Variants in ANKS1B observed in about 807,000 individuals in gnomAD.
ANKS1B encodes the protein ankyrin repeat and sterile alpha motif domain-containing protein 1B.
In ANKS1B, 36 loss-of-function variants were observed where a neutral mutation model predicts 148.3. The observed-to-expected ratio is 0.24, with a 90% CI of 0.19 to 0.32. The LOEUF (loss-of-function observed/expected upper bound fraction) is 0.32. Ranked by LOEUF, ANKS1B falls within the 10% of genes least tolerant of loss-of-function variation. ANKS1B has a pLI of 1.00. For missense variants in ANKS1B, 1,157 were observed against 1,542.6 expected, an observed-to-expected ratio of 0.75 and a Z score of 4.19; for synonymous variants, 542 against 560.8, an observed-to-expected ratio of 0.97 and a Z score of 0.47.
At chr12:99,163,008 A>C (rs1264400556) in intron 14 of ANKS1B, among the ~76,000 whole-genome samples, 5 of 152,240 alleles carry the variant, frequency 3.3e-5, no homozygotes, top group Non-Finnish European at 7.4e-5. Context: ...CAGTGAGCCA[A>C]GATTGTGCCA....
At chr12:99,724,687 C>T (rs1443098542) in intron 8 of ANKS1B, among the ~76,000 whole-genome samples, 1 of 151,876 alleles carries the variant, frequency 6.6e-6, no homozygotes, top group Non-Finnish European at 1.5e-5. Context: ...GACAATCAAC[C>T]CCAAGACACA....
intron 17 of ANKS1B, among the ~76,000 whole-genome samples, chr12:98,941,452 AC>A (rs1383103961): frequency 6.6e-6 from 1 of 152,222 alleles, no homozygotes; most frequent in African/African-American, 2.4e-5. Flanking sequence ...GAGAGGCATC[AC>A]CTTGTTTGAC....
intron 9 of ANKS1B, among the ~76,000 whole-genome samples, chr12:99,537,296 C>A (rs2097080166): frequency 6.6e-6 from 1 of 152,038 alleles, no homozygotes; most frequent in African/African-American, 2.4e-5. Context: ...GATCGCTGGA[C>A]CATATGGTAG....
rs75947617 is a variant in ANKS1B at position 99,642,247 on chromosome 12, T to C, written c.1272+12820A>G. Among the ~76,000 whole-genome samples, 784 of 152,322 alleles carry C rather than the reference T, an allele frequency of 5.1e-3. 28 individuals carry two copies. The highest frequency in any genetic ancestry group is 0.039 in the Admixed American group (594 of 15,300). On this transcript the variant is annotated intron_variant, in intron 9 of 26. Coordinates refer to ENST00000683438, the MANE Select transcript of ANKS1B (RefSeq NM_001352186.2). ...ACAGGAAAGCTGAAATGCATTTTTCTGTAAAATAAATATATGTCCCATCTT... is the reference window on the plus strand; with the variant it reads ...ACAGGAAAGCTGAAATGCATTTTTCCGTAAAATAAATATATGTCCCATCTT...
chr12:99,246,209 C>T, intron 13 of ANKS1B, 66 bp downstream of exon 13: 3 of 1,254,324 alleles, frequency 2.4e-6, no homozygotes, highest in South Asian at 1.9e-5. Context: ...AGCTGAAAAT[C>T]CTTCCCCCAA....
intron 12 of ANKS1B, among the ~76,000 whole-genome samples, chr12:99,273,207 C>A (rs1365925023): frequency 6.6e-6 from 1 of 152,134 alleles, no homozygotes; most frequent in Non-Finnish European, 1.5e-5. Flanking sequence ...TCCTACTTTT[C>A]ATATAAGAAA....
intron 15 of ANKS1B, among the ~76,000 whole-genome samples, chr12:99,098,933 A>G (rs933882753): frequency 1.1e-4 from 16 of 151,788 alleles, no homozygotes; most frequent in Non-Finnish European, 1.2e-4. Flanking sequence ...TGTGTGTTAT[A>G]AGTGAAGTCT....
chr12:99,291,556 T>A (rs972672090), intron 12 of ANKS1B, among the ~76,000 whole-genome samples: 1 of 152,032 alleles, frequency 6.6e-6, no homozygotes, highest in African/African-American at 2.4e-5. Context: ...CATAGACCAA[T>A]GGAACAGAAC....
intron 3 of ANKS1B, among the ~76,000 whole-genome samples, chr12:99,810,339 C>T (rs947766329): frequency 2.0e-5 from 3 of 151,824 alleles, no homozygotes; most frequent in African/African-American, 7.3e-5. Context: ...TTTTTATTTC[C>T]TTTATTGTTT....
chr12:99,526,521 T>C (rs945623189), intron 9 of ANKS1B, among the ~76,000 whole-genome samples: 3 of 152,118 alleles, frequency 2.0e-5, no homozygotes, highest in Non-Finnish European at 4.4e-5. Flanking sequence ...TGCCTCTTGG[T>C]GTCATGCATG....
intron 12 of ANKS1B, among the ~76,000 whole-genome samples, chr12:99,364,889 G>A (rs2092685706): frequency 6.6e-6 from 1 of 152,190 alleles, no homozygotes; most frequent in Admixed American, 6.6e-5. Flanking sequence ...TAGGGGCAGT[G>A]AGAGAAGAGA....
intron 14 of ANKS1B, among the ~76,000 whole-genome samples, chr12:99,204,881 AG>A (rs2082462786): frequency 6.6e-6 from 1 of 152,116 alleles, no homozygotes; most frequent in Non-Finnish European, 1.5e-5. Context: ...GATTTTCTTG[AG>A]GGCAGTAAAG....
intron 17 of ANKS1B, among the ~76,000 whole-genome samples, chr12:98,922,305 A>C (rs546377915): frequency 3.9e-5 from 6 of 151,982 alleles, no homozygotes; most frequent in Middle Eastern, 3.4e-3. Context: ...AATATAAGAG[A>C]GTCTACACGC....
intron 8 of ANKS1B, among the ~76,000 whole-genome samples, chr12:99,669,689 G>A (rs975681128): frequency 2.6e-5 from 4 of 152,072 alleles, no homozygotes; most frequent in African/African-American, 7.2e-5. Flanking sequence ...TTTCACTCTT[G>A]TGCAGATTGA....
intron 1 of ANKS1B, among the ~76,000 whole-genome samples, chr12:99,980,190 G>A (rs931918164): frequency 6.6e-6 from 1 of 151,688 alleles, no homozygotes; most frequent in Non-Finnish European, 1.5e-5. Flanking sequence ...TTAATTGACT[G>A]TATGTTCAAC....
chr12:99,593,334 G>C (rs749318161), intron 9 of ANKS1B, among the ~76,000 whole-genome samples: 2 of 152,030 alleles, frequency 1.3e-5, no homozygotes, highest in Non-Finnish European at 2.9e-5. Context: ...GGTAGTCAGA[G>C]ACCAAATACA....
At chr12:98,835,611 T>C (rs530465629) in intron 17 of ANKS1B, among the ~76,000 whole-genome samples, 1 of 152,342 alleles carries the variant, frequency 6.6e-6, no homozygotes, top group East Asian at 1.9e-4. Flanking sequence ...TATGCTCTTC[T>C]GCCATCCACA....
At chr12:98,773,940 G>A (rs886968203) in intron 24 of ANKS1B, among the ~76,000 whole-genome samples, 4 of 152,128 alleles carry the variant, frequency 2.6e-5, no homozygotes, top group Admixed American at 1.3e-4. Flanking sequence ...ATGCTTGCAC[G>A]TTGTTCTTGT....
At chr12:99,041,533 A>T (rs2099958966) in intron 17 of ANKS1B, among the ~76,000 whole-genome samples, 1 of 152,050 alleles carries the variant, frequency 6.6e-6, no homozygotes, top group Non-Finnish European at 1.5e-5. Context: ...TTTTCCATAC[A>T]TTTAGGCCTC....
Sources: allele counts gnomAD v4.1 joint callset (sites outside exome capture counted in the v4.1 genomes callset), GRCh38; gene constraint gnomAD v4.1.1; transcripts MANE v1.5; gene names NCBI Gene and HGNC (gene_info 2026-07-23, HGNC 2026-07-21).